FBLN7: variants seen among roughly 807,000 people sequenced by gnomAD.
FBLN7 encodes fibulin-7.
In FBLN7, 31 loss-of-function variants were observed where a neutral mutation model predicts 44.0. The observed-to-expected ratio is 0.70, with a 90% CI of 0.53 to 0.95. The LOEUF is 0.95. Ranked by LOEUF, FBLN7 falls within the 40% of genes least tolerant of loss-of-function variation. The pLI, the probability that FBLN7 is intolerant of heterozygous loss-of-function variation, is 0.00. For missense variants in FBLN7, 573 were observed against 618.5 expected, an observed-to-expected ratio of 0.93 and a Z score of 0.78; for synonymous variants, 262 against 253.4, an observed-to-expected ratio of 1.03 and a Z score of -0.32.
chr2:112,157,152 C>T (rs893873620), intron 1 of FBLN7, among the ~76,000 whole-genome samples: 10 of 152,188 alleles, frequency 6.6e-5, no homozygotes, highest in Admixed American at 5.9e-4. Context: ...GGCAGATCAC[C>T]TGAAGTCAGG....
At chr2:112,240,762 AC>A in the FBLN7 span, among the ~76,000 whole-genome samples, 22 of 152,192 alleles carry the variant, frequency 1.4e-4, no homozygotes, top group African/African-American at 5.3e-4. Flanking sequence ...ATAATTGAAT[AC>A]TTTTCTTCAC....
At chr2:112,227,055 G>C in the FBLN7 span, among the ~76,000 whole-genome samples, 151 of 152,294 alleles carry the variant, frequency 9.9e-4, 1 homozygote, top group Non-Finnish European at 1.8e-3. Flanking sequence ...CCTTCAACTA[G>C]AGTATCTATA....
chr2:112,197,820 T>G, the FBLN7 span, among the ~76,000 whole-genome samples: 1 of 152,232 alleles, frequency 6.6e-6, no homozygotes, highest in East Asian at 1.9e-4. Flanking sequence ...AGAGTCATAC[T>G]GGGACATTCA....
At position 112,187,775 on chromosome 2, in the gene FBLN7, CA is replaced by C. The variant is rs1683346592; in HGVS notation, c.*270del. On this transcript the variant is annotated 3_prime_UTR_variant, in exon 8 of 8. Transcript: ENST00000331203. This position sits in a 1 kb window ranked among gnomAD's most constrained non-coding sequence, Gnocchi z 5.1. ...CTAACTTTCTTAAAACTTTTTCATC[CA>C]GGGGATGGGTGGCTTTCCAAAATGC... 1 of 516,016 alleles carries C rather than the reference CA, an allele frequency of 1.9e-6. No homozygotes were observed. The highest frequency in any genetic ancestry group is 1.9e-5 in the African/African-American group (1 of 51,970). The allele number at this position is 516,016 out of a possible 1,614,324, so 32.0% of individuals were successfully genotyped here.
intron 3 of FBLN7, among the ~76,000 whole-genome samples, chr2:112,166,657 GC>G (rs1682176822): frequency 6.6e-6 from 1 of 152,226 alleles, no homozygotes; most frequent in Non-Finnish European, 1.5e-5. Flanking sequence ...GCCAGGTTAA[GC>G]ACCTCCTGGG....
Position 112,159,669 on chromosome 2 carries a change from T to C in FBLN7, c.76-7T>C, listed in dbSNP as rs750692802. 1 of 1,518,602 alleles carries C rather than the reference T, an allele frequency of 6.6e-7. No individual in the cohort carries two copies. Among genetic ancestry groups the C allele is most frequent in the South Asian group, 1.2e-5 (1 of 81,014 alleles). 94.1% of individuals were successfully genotyped at this position (1,518,602 alleles called of 1,614,324 possible). On this transcript the variant is annotated splice_region_variant and splice_polypyrimidine_tract_variant and intron_variant, in intron 1 of 7. Transcript: ENST00000331203. ...TGGGTGGTGGCGGCGATGTCTTCTC[T>C]CCGCAGAACTGTCTCAGCAAACAGC...
chr2:112,197,264 CACACACACACAG>C, the FBLN7 span, among the ~76,000 whole-genome samples: 109 of 129,890 alleles, frequency 8.4e-4, 1 homozygote, highest in African/African-American at 2.8e-3. Flanking sequence ...CACACACACA[CACACACACACAG>C]AGAGAGAGAG....
chr2:112,172,439 T>C (rs1682510576), intron 3 of FBLN7, among the ~76,000 whole-genome samples: 1 of 152,118 alleles, frequency 6.6e-6, no homozygotes, highest in Non-Finnish European at 1.5e-5. Flanking sequence ...TTCTTGAGTA[T>C]CTTATGTCAC....
At position 112,187,465 on chromosome 2, in the gene FBLN7, G is replaced by A. The variant is rs749054176; in HGVS notation, c.1279G>A (p.Val427Met). 20 of 1,614,064 alleles carry A rather than the reference G, an allele frequency of 1.2e-5. No individual in the cohort carries two copies. The highest frequency in any genetic ancestry group is 8.3e-5 in the Admixed American group (5 of 60,004). The change falls in exon 8 of 8, where the codon GTG becomes ATG. Residue 427 changes from valine (V) to methionine (M), a missense_variant. Coordinates refer to ENST00000331203, the MANE Select transcript of FBLN7 (RefSeq NM_153214.3). The surrounding 1 kb of genome is among the most constrained non-coding windows in gnomAD (Gnocchi z 5.1). Reference protein sequence around the residue: ...YLDRSFQANHVSKVTIFVSPY... With the variant: ...YLDRSFQANHMSKVTIFVSPY... The stretch of plus-strand genomic sequence containing the variant: ...GGACCGCTCCTTCCAGGCCAACCAC[G>A]TGTCCAAGGTCACCATCTTTGTATC...
chr2:112,218,308 AC>A, the FBLN7 span, among the ~76,000 whole-genome samples: 6 of 152,182 alleles, frequency 3.9e-5, no homozygotes, highest in Non-Finnish European at 8.8e-5. Context: ...AGGGAACTCT[AC>A]TCAAGGTTTA....
the FBLN7 span, chr2:112,238,416 A>C: frequency 6.2e-7 from 1 of 1,613,732 alleles, no homozygotes; most frequent in Non-Finnish European, 8.5e-7. Flanking sequence ...CTCTTTGGCA[A>C]AATTATCTTC....
the FBLN7 span, among the ~76,000 whole-genome samples, chr2:112,196,083 G>A: frequency 2.0e-5 from 3 of 152,238 alleles, no homozygotes; most frequent in African/African-American, 7.2e-5. Flanking sequence ...CAGTGTGGAG[G>A]TTGCCCTGTC....
At chr2:112,228,405 G>C in the FBLN7 span, among the ~76,000 whole-genome samples, 1 of 151,982 alleles carries the variant, frequency 6.6e-6, no homozygotes, top group Non-Finnish European at 1.5e-5. Flanking sequence ...GGGATGCTGA[G>C]GCATGAGAAT....
intron 3 of FBLN7, among the ~76,000 whole-genome samples, chr2:112,171,059 G>C (rs994645095): frequency 1.3e-5 from 2 of 152,160 alleles, no homozygotes; most frequent in Admixed American, 6.5e-5. Context: ...TCGTGTGTGG[G>C]TCATTGATCA....
the FBLN7 span, among the ~76,000 whole-genome samples, chr2:112,197,138 G>A: frequency 2.0e-5 from 3 of 151,678 alleles, no homozygotes; most frequent in East Asian, 5.8e-4. Context: ...CTAACACCTG[G>A]TACCTATGAA....
At chr2:112,196,342 C>A in the FBLN7 span, among the ~76,000 whole-genome samples, 1 of 151,130 alleles carries the variant, frequency 6.6e-6, no homozygotes, top group Non-Finnish European at 1.5e-5. Context: ...CCTGCCTTAC[C>A]CTTCCCCCAA....
chr2:112,138,524 C>T lies in FBLN7; in HGVS notation c.-132C>T. 9 of 1,336,748 alleles carry T rather than the reference C, an allele frequency of 6.7e-6. No individual in the cohort carries two copies. The highest frequency in any genetic ancestry group is 1.4e-5 in the South Asian group (1 of 73,134). 82.8% of individuals were successfully genotyped at this position (1,336,748 alleles called of 1,614,324 possible). On this transcript the variant is annotated 5_prime_UTR_variant, in exon 1 of 8. Coordinates refer to ENST00000331203, the MANE Select transcript of FBLN7 (RefSeq NM_153214.3). ...TGCGCTCGGGGCCTCCCGCCTCCCC[C>T]CCTGCCCCAGCCGCCCCCCGGCCGC...
At chr2:112,221,270 C>A in the FBLN7 span, among the ~76,000 whole-genome samples, 1 of 152,080 alleles carries the variant, frequency 6.6e-6, no homozygotes, top group Admixed American at 6.5e-5. Context: ...GGTTTAGCAC[C>A]ATCCCCCTTG....
chr2:112,143,699 C>G (rs1295669844), intron 1 of FBLN7, among the ~76,000 whole-genome samples: 2 of 152,116 alleles, frequency 1.3e-5, no homozygotes, highest in African/African-American at 4.8e-5. Context: ...CAGCCCTTAT[C>G]TATTCTTTAT....
Sources: allele counts gnomAD v4.1 joint callset (sites outside exome capture counted in the v4.1 genomes callset), GRCh38; gene constraint gnomAD v4.1.1; non-coding constraint Gnocchi (gnomAD v3.1); transcripts MANE v1.5; gene names NCBI Gene and HGNC (gene_info 2026-07-23, HGNC 2026-07-21).